The following PREX2 variants were observed in gnomAD, a reference collection of about 807,000 sequenced individuals.
PREX2 encodes the protein phosphatidylinositol 3,4,5-trisphosphate-dependent Rac exchanger 2 protein.
Under a neutral mutation model 203.2 loss-of-function variants are expected in PREX2, and 107 were observed. That is an observed-to-expected ratio of 0.53 (90% confidence interval 0.45 to 0.62). The LOEUF is 0.62. PREX2 is among the 20% of genes least tolerant of loss of function. The pLI is 0.00. For synonymous variants in PREX2, 672 were observed against 663.6 expected (o/e 1.01, Z -0.19); for missense variants, 1,777 against 1,955.9 (o/e 0.91, Z 1.72).
chr8:67,968,898 G>T (rs1257168610), intron 1 of PREX2, among the ~76,000 whole-genome samples: 2 of 152,200 alleles, frequency 1.3e-5, no homozygotes, highest in African/African-American at 4.8e-5. Flanking sequence ...TTAAAGGCAA[G>T]ACTTGCCTAA....
At chr8:68,224,375 G>A (rs557315496) in intron 38 of PREX2, among the ~76,000 whole-genome samples, 184 bp from the exon 39 acceptor site, 1 of 152,122 alleles carries the variant, frequency 6.6e-6, no homozygotes, top group Non-Finnish European at 1.5e-5. Flanking sequence ...CAACATAACA[G>A]CACATTTTTA....
In PREX2 at chr8:68,231,353, C is replaced by T. The variant is rs150821816; in HGVS notation, c.4796C>T (p.Pro1599Leu). The T allele has an allele frequency of 1.1e-3, 1,692 of 1,602,108 alleles. No homozygotes were observed. Among genetic ancestry groups the T allele is most frequent in the Non-Finnish European group, 8.6e-4 (1,014 of 1,175,142 alleles). Reference sequence around the variant, plus strand: ...TCTAGGCTGTACAAGCTGTGCGAGCCACCTCCCCCAGCTGGAGAAGAATGA... The same window carrying T: ...TCTAGGCTGTACAAGCTGTGCGAGCTACCTCCCCCAGCTGGAGAAGAATGA... ...SAPRLYKLCE[P>L]PPPAGEE Residue 1599 changes from proline (P) to leucine (L), a missense_variant, in exon 40 of 40, where the codon CCA (proline) becomes CTA (leucine). By Grantham distance (98) the Pro-to-Leu change is moderately conservative. Coordinates refer to ENST00000288368, the MANE Select transcript of PREX2 (RefSeq NM_024870.4).
chr8:68,226,022 A>G (rs1270679062), intron 39 of PREX2, among the ~76,000 whole-genome samples: 1 of 152,168 alleles, frequency 6.6e-6, no homozygotes, highest in Non-Finnish European at 1.5e-5. Flanking sequence ...AAAGAAACCA[A>G]TGAATTTGCT....
intron 28 of PREX2, among the ~76,000 whole-genome samples, chr8:68,119,841 T>TA (rs1810733865): frequency 6.6e-6 from 1 of 152,184 alleles, no homozygotes; most frequent in South Asian, 2.1e-4. Context: ...TTTCTAATTT[T>TA]AAAAAGCACA....
chr8:68,012,777 T>C lies in PREX2; in HGVS notation c.142-5069T>C, dbSNP rs566703642. 1.2e-4 allele frequency among the ~76,000 whole-genome samples: 19 copies of C among 152,350 alleles called. No individual in the cohort carries two copies. The South Asian group carries it at 3.9e-3, about 32-fold the overall frequency. ...TCTGTAGGAACAAAGTAACATCATT[T>C]TATAATTATTGTTCATTGTATCCGA... On this transcript the variant is annotated intron_variant, in intron 1 of 39. Transcript: ENST00000288368.
At chr8:68,037,941 A>C (rs1365002014) in intron 6 of PREX2, among the ~76,000 whole-genome samples, 1 of 152,152 alleles carries the variant, frequency 6.6e-6, no homozygotes, top group African/African-American at 2.4e-5. Context: ...GAGACACAGA[A>C]TCTCTTAACA....
rs1211183151 is a variant in PREX2 at position 68,234,365 on chromosome 8, C to T, written c.*2987C>T. 1.3e-5 allele frequency: 2 copies of T among 152,132 alleles called. No individual in the cohort carries two copies. Among genetic ancestry groups the T allele is most frequent in the Non-Finnish European group, 2.9e-5 (2 of 68,028 alleles). 9.4% of individuals were successfully genotyped at this position (152,132 alleles called of 1,614,324 possible). On this transcript the variant is annotated 3_prime_UTR_variant, in exon 40 of 40. Coordinates refer to ENST00000288368, the MANE Select transcript of PREX2 (RefSeq NM_024870.4). ...TCTGAGCATGGACAACTCCCACCGC[C>T]CCCCAACCTAAAAGGGAAGGTCATG...
rs747814451 is a variant in PREX2 at position 68,217,570 on chromosome 8, G to A, written c.4605-46G>A. On this transcript the variant is annotated intron_variant, in intron 37 of 39. Transcript: ENST00000288368. Reference sequence around the variant, plus strand: ...AGTAATCCACATCATCTCAAAGGGTGTATCAGGAACCATGGGGTCTGACTT... The same window carrying A: ...AGTAATCCACATCATCTCAAAGGGTATATCAGGAACCATGGGGTCTGACTT... The A allele has an allele frequency of 1.1e-5, 15 of 1,366,434 alleles. No individual in the cohort carries two copies. The South Asian group carries it at 1.2e-4, about 11-fold the overall frequency. The allele number at this position is 1,366,434 out of a possible 1,614,324, so 84.6% of individuals were successfully genotyped here. A position where few individuals can be genotyped will look rare whatever the true frequency, so the allele number is the denominator to read the frequency against.
chr8:68,018,523 G>A (rs1477367066), intron 2 of PREX2, among the ~76,000 whole-genome samples: 1 of 152,028 alleles, frequency 6.6e-6, no homozygotes. Context: ...TCAATGTTTT[G>A]GAGAAGGAGG....
chr8:68,160,455 T>C (rs1811632905), intron 35 of PREX2, among the ~76,000 whole-genome samples: 1 of 152,048 alleles, frequency 6.6e-6, no homozygotes, highest in Non-Finnish European at 1.5e-5. Flanking sequence ...TTTAGAAAGC[T>C]CATATAATTT....
At chr8:68,199,145 T>G (rs10441563) in intron 37 of PREX2, among the ~76,000 whole-genome samples, 12,731 of 97,946 alleles carry the variant, frequency 0.13, 1,144 homozygotes, top group African/African-American at 0.4. Flanking sequence ...CATGGGGGGG[T>G]TCACCAGCAC....
chr8:68,063,852 T>C (rs536922875), intron 11 of PREX2, among the ~76,000 whole-genome samples: 65 of 152,282 alleles, frequency 4.3e-4, no homozygotes, highest in African/African-American at 1.4e-3. Flanking sequence ...AATAATTCTA[T>C]TAGAATGAAG....
At chr8:68,214,150 C>CCA (rs1311544618) in intron 37 of PREX2, among the ~76,000 whole-genome samples, 9 of 152,274 alleles carry the variant, frequency 5.9e-5, no homozygotes, top group African/African-American at 2.2e-4. Flanking sequence ...CCTGTAATTC[C>CCA]AGTACTTTGG....
chr8:68,161,983 T>TGA (rs1258767539), intron 35 of PREX2, among the ~76,000 whole-genome samples: 1 of 152,116 alleles, frequency 6.6e-6, no homozygotes, highest in East Asian at 1.9e-4. Context: ...AGCAGGCAAG[T>TGA]GAGAGAGAGC....
rs1345674765 is a variant in PREX2, at chr8:68,007,549, A to T, written c.142-10297A>T. Among the ~76,000 whole-genome samples, 3 of 114,844 alleles carry T rather than the reference A, an allele frequency of 2.6e-5. No homozygotes were observed. In the East Asian group the frequency reaches 6.1e-4, roughly 23 times the overall value. 75.3% of individuals were successfully genotyped at this position (114,844 alleles called of 152,430 possible). ...CAGCATTGAAGAAGTATATTTGGTT[A>T]TAAGAAATAGAAAAAATAGTAATAA... On this transcript the variant is annotated intron_variant, in intron 1 of 39. Coordinates refer to ENST00000288368, the MANE Select transcript of PREX2 (RefSeq NM_024870.4).
intron 16 of PREX2, 70 bp from the exon 17 acceptor site, chr8:68,080,676 C>G (rs1033688165): frequency 1.4e-6 from 2 of 1,442,632 alleles, no homozygotes; most frequent in Admixed American, 2.0e-5. Flanking sequence ...ATGCACATTA[C>G]TTCGTTCTGT....
At chr8:68,021,107 A>G (rs1405884073) in intron 3 of PREX2, among the ~76,000 whole-genome samples, 1 of 152,188 alleles carries the variant, frequency 6.6e-6, no homozygotes. Context: ...AAGGGAGCTT[A>G]GAGATCATGA....
intron 1 of PREX2, among the ~76,000 whole-genome samples, chr8:67,986,230 T>C (rs1806416790): frequency 6.6e-6 from 1 of 152,204 alleles, no homozygotes; most frequent in South Asian, 2.1e-4. Flanking sequence ...TCTTTTAATC[T>C]CCACCGTAAT....
At chr8:68,154,721 C>G (rs1234321683) in intron 34 of PREX2, among the ~76,000 whole-genome samples, 4 of 152,110 alleles carry the variant, frequency 2.6e-5, no homozygotes, top group Non-Finnish European at 2.9e-5. Flanking sequence ...TGTCCTTTTC[C>G]CTTTGAAGGG....
Sources: allele counts gnomAD v4.1 joint callset (sites outside exome capture counted in the v4.1 genomes callset), GRCh38; gene constraint gnomAD v4.1.1; transcripts MANE v1.5; gene names NCBI Gene and HGNC (gene_info 2026-07-23, HGNC 2026-07-21).